The following NEO1 variants were observed in gnomAD, a reference collection of about 807,000 sequenced individuals.
NEO1 encodes neogenin.
A neutral mutation model predicts 159.7 loss-of-function variants in NEO1; 63 were observed. The observed-to-expected ratio is 0.39, with a 90% CI of 0.32 to 0.49. NEO1 has a LOEUF of 0.49. Ranked by LOEUF, NEO1 falls within the 20% of genes least tolerant of loss-of-function variation. The pLI is 0.85. For missense variants in NEO1, 1,615 were observed against 1,831.0 expected, an observed-to-expected ratio of 0.88 and a Z score of 2.15; for synonymous variants, 633 against 662.0, an observed-to-expected ratio of 0.96 and a Z score of 0.67.
In NEO1 at chr15:73,122,521, C is replaced by A; in HGVS notation, c.449-4C>A. 6.2e-7 allele frequency: 1 copy of A among 1,612,668 alleles called. No homozygotes were observed. The highest frequency in any genetic ancestry group is 8.5e-7 in the Non-Finnish European group (1 of 1,179,180). On this transcript the variant is annotated splice_polypyrimidine_tract_variant and splice_region_variant and intron_variant, in intron 2 of 28. Transcript: ENST00000261908. ...TTTATTTCTTCTCTTCCTTTATTGT[C>A]CAGGTCTTCCAAGATTTACCAGCCA...
intron 1 of NEO1, among the ~76,000 whole-genome samples, chr15:73,084,942 G>C (rs546216285): frequency 1.3e-5 from 2 of 152,082 alleles, no homozygotes; most frequent in African/African-American, 4.8e-5. Context: ...ATGTAAAACC[G>C]TGAACCAGGT....
At chr15:73,103,763 G>A (rs2070529212) in intron 1 of NEO1, among the ~76,000 whole-genome samples, 2 of 152,082 alleles carry the variant, frequency 1.3e-5, no homozygotes, top group South Asian at 4.2e-4. Flanking sequence ...GATGGAGGTG[G>A]GTTAGGGTGC....
chr15:73,052,103 T>A (rs2067459916), upstream of NEO1: 1 of 148,764 alleles, frequency 6.7e-6, no homozygotes, highest in Admixed American at 6.6e-5. Flanking sequence ...CTCCGGGGTT[T>A]CCCTGACGCC....
At chr15:73,083,363 G>C (rs1356757908) in intron 1 of NEO1, among the ~76,000 whole-genome samples, 1 of 151,580 alleles carries the variant, frequency 6.6e-6, no homozygotes, top group Non-Finnish European at 1.5e-5. Context: ...AAGGGGGAGA[G>C]GTAGAGGGAG....
intron 1 of NEO1, among the ~76,000 whole-genome samples, chr15:73,075,800 G>A (rs2068743263): frequency 6.6e-6 from 1 of 152,096 alleles, no homozygotes; most frequent in African/African-American, 2.4e-5. Flanking sequence ...GTCAGAATTT[G>A]TGAATCATAG....
chr15:73,170,264 A>G (rs974873112), intron 5 of NEO1, among the ~76,000 whole-genome samples: 5 of 152,202 alleles, frequency 3.3e-5, no homozygotes, highest in African/African-American at 4.8e-5. Flanking sequence ...TTCTGAGACT[A>G]TGGGTGTAGG....
chr15:73,161,553 A>T (rs935594229), intron 5 of NEO1, among the ~76,000 whole-genome samples: 1 of 152,174 alleles, frequency 6.6e-6, no homozygotes, highest in South Asian at 2.1e-4. Context: ...CTATCATAAC[A>T]TTCCATATAT....
At position 73,194,428 on chromosome 15, in the gene NEO1, C is replaced by T. The variant is rs529040781; in HGVS notation, c.1291+16001C>T. Among the ~76,000 whole-genome samples, 157 of 152,260 alleles carry T rather than the reference C, an allele frequency of 1.0e-3. No individual in the cohort carries two copies. The South Asian group carries it at 0.012, about 11-fold the overall frequency. ...TGCAGGCTGTACAAGAAGCATGGCA[C>T]CATCATCTGCTTCCAATGAGGGCTT... On this transcript the variant is annotated intron_variant, in intron 7 of 28. Transcript: ENST00000261908.
chr15:73,171,654 T>TTAC (rs1491343402), intron 5 of NEO1, among the ~76,000 whole-genome samples: 4 of 135,498 alleles, frequency 3.0e-5, no homozygotes, highest in African/African-American at 1.1e-4. Context: ...ATTATTATTA[T>TTAC]TACTTGAGAC....
chr15:73,184,940 G>A (rs1490129419), intron 7 of NEO1, among the ~76,000 whole-genome samples: 1 of 151,758 alleles, frequency 6.6e-6, no homozygotes, highest in Non-Finnish European at 1.5e-5. Context: ...AAGAAAAAAA[G>A]AAAGAAAAGA....
chr15:73,272,364 CT>C, intron 18 of NEO1, 90 bp from the exon 19 acceptor site: 1 of 882,342 alleles, frequency 1.1e-6, no homozygotes. Context: ...GCCTTGTGCC[CT>C]TTATTTTGCC....
chr15:73,074,086 AC>A (rs1265914570), intron 1 of NEO1, among the ~76,000 whole-genome samples: 1 of 152,210 alleles, frequency 6.6e-6, no homozygotes, highest in Non-Finnish European at 1.5e-5. Flanking sequence ...CCTGCAGCCT[AC>A]TAAGCTTTTT....
In NEO1 at chr15:73,289,127, C is replaced by G. The variant is rs745629245; in HGVS notation, c.3650-19C>G. 1 of 1,610,290 alleles carries G rather than the reference C, an allele frequency of 6.2e-7. No homozygotes were observed. The highest frequency in any genetic ancestry group is 8.5e-7 in the Non-Finnish European group (1 of 1,176,986). ...CATAGGGCACATGCTGGTAACTAAC[C>G]TCCACGTTTAACATCTAGGGCATGA... is the stretch of plus-strand genomic sequence containing the variant. On this transcript the variant is annotated intron_variant, in intron 24 of 28. Transcript: ENST00000261908.
intron 22 of NEO1, among the ~76,000 whole-genome samples, chr15:73,281,231 G>A (rs1237568425): frequency 8.6e-6 from 1 of 115,726 alleles, no homozygotes; most frequent in African/African-American, 3.3e-5. Context: ...AAATTTATAA[G>A]CCAGGTTGTT....
chr15:73,276,906 A>G (rs903004970), intron 21 of NEO1, among the ~76,000 whole-genome samples: 3 of 152,218 alleles, frequency 2.0e-5, no homozygotes, highest in Non-Finnish European at 2.9e-5. Context: ...AGAGAAGATT[A>G]TACTCTTTCG....
intron 7 of NEO1, among the ~76,000 whole-genome samples, chr15:73,229,235 T>G (rs1265238591): frequency 6.6e-6 from 1 of 152,102 alleles, no homozygotes; most frequent in Non-Finnish European, 1.5e-5. Flanking sequence ...GTCTTACACT[T>G]CTTTTAGGTT....
At chr15:73,174,950 A>G (rs2035198080) in intron 5 of NEO1, among the ~76,000 whole-genome samples, 1 of 152,152 alleles carries the variant, frequency 6.6e-6, no homozygotes, top group Non-Finnish European at 1.5e-5. Flanking sequence ...CTAAGATTAT[A>G]CATGATTTCC....
rs563455965 is a variant in NEO1, at chr15:73,195,141, G to C, written c.1291+16714G>C. 3.3e-5 allele frequency among the ~76,000 whole-genome samples: 5 copies of C among 152,242 alleles called. No homozygotes were observed. The East Asian group carries it at 5.8e-4, about 18-fold the overall frequency. On this transcript the variant is annotated intron_variant, in intron 7 of 28. Coordinates refer to ENST00000261908, the MANE Select transcript of NEO1 (RefSeq NM_002499.4). ...AAAAGTCCTGCAGATGACCTTTCTG[G>C]ACACAAAGTTGAATTTAGAATTATC...
At chr15:73,195,409 GTC>G (rs890054731) in intron 7 of NEO1, among the ~76,000 whole-genome samples, 1 of 152,086 alleles carries the variant, frequency 6.6e-6, no homozygotes, top group Non-Finnish European at 1.5e-5. Context: ...TCCATGCTGC[GTC>G]TGTGTGTTTT....
Sources: gnomAD v4.1 joint callset for allele counts (sites outside exome capture counted in the v4.1 genomes callset) on GRCh38, gnomAD v4.1.1 for gene constraint, MANE v1.5 for transcripts, NCBI Gene and HGNC (gene_info 2026-07-23, HGNC 2026-07-21) for gene names.